RBM19: variants seen among roughly 807,000 people sequenced by gnomAD.
The protein encoded by RBM19 is probable RNA-binding protein 19.
A neutral mutation model predicts 116.8 loss-of-function variants in RBM19; 94 were observed. The observed-to-expected ratio is 0.80, with a 90% CI of 0.68 to 0.95. The LOEUF is 0.95. Ranked by LOEUF, RBM19 falls within the 40% of genes least tolerant of loss-of-function variation. RBM19 has a pLI of 0.00. For synonymous variants in RBM19, 475 were observed against 494.1 expected (o/e 0.96, Z 0.51); for missense variants, 1,161 against 1,220.7 (o/e 0.95, Z 0.73).
At chr12:113,840,277 T>A (rs757286009) in intron 23 of RBM19, among the ~76,000 whole-genome samples, 5 of 152,214 alleles carry the variant, frequency 3.3e-5, no homozygotes, top group African/African-American at 4.8e-5. Flanking sequence ...TCAGGCCACC[T>A]TCTTGCCCCC....
chr12:113,844,227 C>T (rs1376551258), intron 23 of RBM19, among the ~76,000 whole-genome samples: 1 of 152,252 alleles, frequency 6.6e-6, no homozygotes, highest in Non-Finnish European at 1.5e-5. Context: ...AAGTGATCAG[C>T]AAGAGTGTGG....
At chr12:113,857,855 C>T (rs1346918926) in intron 22 of RBM19, among the ~76,000 whole-genome samples, 2 of 152,240 alleles carry the variant, frequency 1.3e-5, no homozygotes, top group East Asian at 3.9e-4. Flanking sequence ...TGCTAAAGCC[C>T]AATGGCTGTG....
intron 15 of RBM19, 128 bp downstream of exon 15, chr12:113,939,832 G>T: frequency 1.1e-6 from 1 of 941,870 alleles, no homozygotes; most frequent in Non-Finnish European, 1.6e-6. Context: ...AGCCATGATC[G>T]TGACGGGCGG....
chr12:113,930,686 C>T (rs1869525414), intron 16 of RBM19, among the ~76,000 whole-genome samples: 2 of 152,252 alleles, frequency 1.3e-5, no homozygotes, highest in Admixed American at 1.3e-4. Context: ...TGCCTTTCCT[C>T]CAGCAGCGCA....
intron 21 of RBM19, among the ~76,000 whole-genome samples, chr12:113,861,229 C>T (rs1320683518): frequency 3.3e-5 from 5 of 152,138 alleles, no homozygotes; most frequent in African/African-American, 1.2e-4. Context: ...TCTTTCTTCC[C>T]GAGTCTCGGC....
chr12:113,939,468 G>A (rs561209118), intron 15 of RBM19, among the ~76,000 whole-genome samples: 3 of 152,102 alleles, frequency 2.0e-5, no homozygotes, highest in Non-Finnish European at 4.4e-5. Flanking sequence ...CCCTTCTCCC[G>A]GCCCGGCGCA....
At chr12:113,959,485 T>A in intron 4 of RBM19, 81 bp from the exon 5 acceptor site, 1 of 1,403,346 alleles carries the variant, frequency 7.1e-7, no homozygotes, top group Non-Finnish European at 9.8e-7. Flanking sequence ...TGGGGCTTGA[T>A]CTTTCTAACT....
intron 18 of RBM19, among the ~76,000 whole-genome samples, chr12:113,924,134 C>T (rs16943394): frequency 0.093 from 14,213 of 152,250 alleles, 781 homozygotes; most frequent in African/African-American, 0.13. Context: ...CTCAGAATAG[C>T]ACCCAGGGCC....
chr12:113,902,136 C>T lies in RBM19; in HGVS notation c.2558+12833G>A, dbSNP rs371811124. ...ATTCAGATTTCACTAGTTTTATATG[C>T]GGTCATTTGCATGTATGTATTGAGT... On this transcript the variant is annotated intron_variant, in intron 21 of 23. Coordinates refer to ENST00000261741, the MANE Select transcript of RBM19 (RefSeq NM_016196.4). Among the ~76,000 whole-genome samples the T allele has an allele frequency of 7.9e-5, 12 of 152,136 alleles. No individual in the cohort carries two copies. In the South Asian group the frequency reaches 1.2e-3, roughly 16 times the overall value.
At chr12:113,821,388 G>A (rs1342099705), downstream of RBM19, among the ~76,000 whole-genome samples, 1 of 152,184 alleles carries the variant, frequency 6.6e-6, no homozygotes, top group South Asian at 2.1e-4. Flanking sequence ...TAGACCAGAA[G>A]GTTCAGCCAG....
chr12:113,927,735 T>C (rs1593600035), intron 16 of RBM19, among the ~76,000 whole-genome samples: 2 of 152,134 alleles, frequency 1.3e-5, no homozygotes, highest in African/African-American at 4.8e-5. Context: ...GAATGTTACA[T>C]ACCATCGAAA....
intron 1 of RBM19, among the ~76,000 whole-genome samples, chr12:113,965,085 A>C (rs1449178818): frequency 6.6e-6 from 1 of 152,038 alleles, no homozygotes; most frequent in Non-Finnish European, 1.5e-5. Flanking sequence ...AACTTGTCCA[A>C]CATGGCGAAA....
intron 21 of RBM19, among the ~76,000 whole-genome samples, chr12:113,860,747 CCT>C (rs1415560389): frequency 6.6e-6 from 1 of 152,164 alleles, no homozygotes; most frequent in Non-Finnish European, 1.5e-5. Context: ...CACTGTGCCC[CCT>C]GACCAGGGCT....
chr12:113,922,832 C>T (rs1321352246), intron 18 of RBM19, among the ~76,000 whole-genome samples: 1 of 152,066 alleles, frequency 6.6e-6, no homozygotes, highest in African/African-American at 2.4e-5. Context: ...CAGAGGTAAC[C>T]AAGTTAAAAT....
Position 113,933,008 on chromosome 12 carries a change from G to A in RBM19, c.2068+3999C>T, listed in dbSNP as rs571884083. 1.2e-4 allele frequency among the ~76,000 whole-genome samples: 18 copies of A among 152,178 alleles called. No individual in the cohort carries two copies. The South Asian group carries it at 2.3e-3, about 19-fold the overall frequency. ...CTCCTCCCCTTTCCCGGCTCTCGGC[G>A]CTGGAGCTGACAGCAAAGACTGTTA... is the stretch of plus-strand genomic sequence containing the variant. On this transcript the variant is annotated intron_variant, in intron 16 of 23. Coordinates refer to ENST00000261741, the MANE Select transcript of RBM19 (RefSeq NM_016196.4).
intron 15 of RBM19, 110 bp downstream of exon 15, chr12:113,939,850 T>G (rs1593620252): frequency 2.5e-6 from 3 of 1,194,736 alleles, no homozygotes; most frequent in Non-Finnish European, 3.6e-6. Flanking sequence ...CGGTTTAGGG[T>G]GAGCTCCCAT....
chr12:113,901,014 C>G (rs1593554734), intron 21 of RBM19, among the ~76,000 whole-genome samples: 1 of 152,248 alleles, frequency 6.6e-6, no homozygotes, highest in Middle Eastern at 3.4e-3. Flanking sequence ...TAGACAGAAG[C>G]CTAAGAAAGT....
chr12:113,863,430 C>T (rs1394535637), intron 21 of RBM19, among the ~76,000 whole-genome samples: 1 of 152,170 alleles, frequency 6.6e-6, no homozygotes, highest in Non-Finnish European at 1.5e-5. Flanking sequence ...GCAGAGGAAG[C>T]GAGAACCCTC....
intron 15 of RBM19, among the ~76,000 whole-genome samples, chr12:113,938,786 G>A (rs1243122045): frequency 6.6e-6 from 1 of 152,178 alleles, no homozygotes; most frequent in Non-Finnish European, 1.5e-5. Context: ...AAACTGGAGT[G>A]ATGCAGCCAT....
Sources: allele counts gnomAD v4.1 joint callset (sites outside exome capture counted in the v4.1 genomes callset), GRCh38; gene constraint gnomAD v4.1.1; transcripts MANE v1.5; gene names NCBI Gene and HGNC (gene_info 2026-07-23, HGNC 2026-07-21).